Variants in FHIT observed in about 807,000 individuals in gnomAD.
The protein encoded by FHIT is bis(5'-adenosyl)-triphosphatase.
FHIT carries 19 observed loss-of-function variants against 17.9 expected under a neutral mutation model. The ratio of observed to expected loss-of-function variants is 1.06; its 90% CI spans 0.74 to 1.56. The LOEUF is 1.56. FHIT is among the 40% of genes most tolerant of loss of function. The pLI is 0.00. For synonymous variants in FHIT, 81 were observed against 69.7 expected (o/e 1.16, Z -0.81); for missense variants, 248 against 189.2 (o/e 1.31, Z -1.82).
intron 5 of FHIT, among the ~76,000 whole-genome samples, chr3:60,402,722 T>G (rs1171941533): frequency 6.6e-6 from 1 of 152,212 alleles, no homozygotes; most frequent in Non-Finnish European, 1.5e-5. Flanking sequence ...TCTGGACTAT[T>G]TTGGACTAAA....
chr3:60,338,268 GTGTATGAT>G (rs1293407235), intron 5 of FHIT, among the ~76,000 whole-genome samples: 3 of 152,166 alleles, frequency 2.0e-5, no homozygotes, highest in Middle Eastern at 3.2e-3. Context: ...TGCTATAACA[GTGTATGAT>G]AAAGCATATA....
intron 5 of FHIT, among the ~76,000 whole-genome samples, chr3:60,398,224 T>C (rs1701527699): frequency 6.6e-6 from 1 of 152,156 alleles, no homozygotes; most frequent in Admixed American, 6.5e-5. Flanking sequence ...CCTGTAGCTA[T>C]GAGGAATGGG....
intron 7 of FHIT, among the ~76,000 whole-genome samples, chr3:59,957,101 G>C (rs1456158291): frequency 6.6e-6 from 1 of 152,214 alleles, no homozygotes; most frequent in Non-Finnish European, 1.5e-5. Flanking sequence ...GCTGAGTTCT[G>C]TGACCCTGTG....
intron 8 of FHIT, among the ~76,000 whole-genome samples, chr3:59,837,509 T>C (rs1032113955): frequency 2.6e-5 from 4 of 151,694 alleles, no homozygotes; most frequent in African/African-American, 7.3e-5. Context: ...CCTCCATTGA[T>C]TGAACCCATG....
intron 4 of FHIT, among the ~76,000 whole-genome samples, chr3:60,813,601 T>G (rs1553736693): frequency 6.6e-6 from 1 of 152,184 alleles, no homozygotes; most frequent in African/African-American, 2.4e-5. Flanking sequence ...TATACTGAGA[T>G]CTCTATACTC....
rs544423710 is a variant in FHIT, at chr3:60,135,488, T to C, written c.104-121336A>G. Reference sequence around the variant, plus strand: ...TGGGGTTTTAATCACAAAACTTTACTTGAACAGCTGCAACCTCTAGCCTCT... The same window carrying C: ...TGGGGTTTTAATCACAAAACTTTACCTGAACAGCTGCAACCTCTAGCCTCT... On this transcript the variant is annotated intron_variant, in intron 5 of 9. Coordinates refer to ENST00000492590, the MANE Select transcript of FHIT (RefSeq NM_002012.4). 1.7e-4 allele frequency among the ~76,000 whole-genome samples: 26 copies of C among 152,284 alleles called. No homozygotes were observed. In the South Asian group the frequency reaches 3.5e-3, roughly 21 times the overall value.
chr3:60,172,233 G>C (rs1701452763), intron 5 of FHIT, among the ~76,000 whole-genome samples: 1 of 151,990 alleles, frequency 6.6e-6, no homozygotes, highest in African/African-American at 2.4e-5. Context: ...GTAGTAAATA[G>C]GCCTAGAAGA....
chr3:60,497,506 A>G (rs1450442325), intron 5 of FHIT, among the ~76,000 whole-genome samples: 1 of 152,206 alleles, frequency 6.6e-6, no homozygotes, highest in East Asian at 1.9e-4. Flanking sequence ...TTATTAGCCT[A>G]TTTCTATAAA....
At position 59,749,404 on chromosome 3, in the gene FHIT, A is replaced by G. The variant is rs1266011360; in HGVS notation, c.*181T>C. On this transcript the variant is annotated 3_prime_UTR_variant, in exon 10 of 10. Transcript: ENST00000492590. ...CTGTCTGAGCCGTTTAGGTCTAGGT[A>G]TTTTAAGGGAGTTGGAGTGACCGAG... 4.3e-6 allele frequency: 1 copy of G among 230,994 alleles called. No individual in the cohort carries two copies. Among genetic ancestry groups the G allele is most frequent in the Non-Finnish European group, 8.6e-6 (1 of 116,850 alleles). 14.3% of individuals were successfully genotyped at this position (230,994 alleles called of 1,614,324 possible).
At chr3:60,969,807 T>C in intron 3 of FHIT, among the ~76,000 whole-genome samples, 1 of 152,208 alleles carries the variant, frequency 6.6e-6, no homozygotes, top group East Asian at 1.9e-4. Flanking sequence ...CAGTGTTCTA[T>C]ACATAAGATT....
intron 4 of FHIT, among the ~76,000 whole-genome samples, chr3:60,716,552 A>G (rs1025285884): frequency 2.0e-5 from 3 of 152,142 alleles, no homozygotes; most frequent in Admixed American, 6.5e-5. Context: ...CTTACCTCCA[A>G]TGAAAACAAT....
At position 60,210,890 on chromosome 3, in the gene FHIT, A is replaced by C. The variant is rs190759464; in HGVS notation, c.104-196738T>G. ...TATTTATCCTTTGACACAGAATTGC[A>C]CTTCTGGGAGTCTATCCAAAAGACA... On this transcript the variant is annotated intron_variant, in intron 5 of 9. Transcript: ENST00000492590. Among the ~76,000 whole-genome samples, 160 of 152,230 alleles carry C rather than the reference A, an allele frequency of 1.1e-3. 1 individual carries two copies. Among genetic ancestry groups the C allele is most frequent in the Non-Finnish European group, 1.4e-3 (98 of 67,986 alleles).
intron 5 of FHIT, among the ~76,000 whole-genome samples, chr3:60,397,602 C>T (rs1701498401): frequency 6.6e-6 from 1 of 152,182 alleles, no homozygotes; most frequent in African/African-American, 2.4e-5. Flanking sequence ...CAACAAGAGA[C>T]CTCAGTGGCC....
At chr3:60,569,744 TATATATATA>T (rs1246206815) in intron 4 of FHIT, among the ~76,000 whole-genome samples, 14 of 76,208 alleles carry the variant, frequency 1.8e-4, no homozygotes, top group Non-Finnish European at 1.9e-4. Flanking sequence ...TATATATATA[TATATATATA>T]TATTTTTTTT....
chr3:59,970,855 T>C (rs1033422719), intron 7 of FHIT, among the ~76,000 whole-genome samples: 1 of 151,488 alleles, frequency 6.6e-6, no homozygotes, highest in Non-Finnish European at 1.5e-5. Context: ...TTTTTTTCAT[T>C]TCTAAAATTT....
rs192754848 is a variant in FHIT, at chr3:60,011,392, G to A, written c.258C>T (p.Pro86=). The A allele has an allele frequency of 3.3e-5, 54 of 1,613,282 alleles. No individual in the cohort carries two copies. The highest frequency in any genetic ancestry group is 9.3e-5 in the African/African-American group (7 of 74,954). The part of the protein sequence containing the change: ...TSLTFSMQDG[P]EAGQTVKHVH... ...TCACCTTCACAGTCTGTCCGGCTTC[G>A]GGGCCATCCTAGAAGTAGGAAAAAA... The change falls in exon 7 of 10, where the codon CCC becomes CCT. Residue 86 remains proline, a synonymous_variant. Coordinates refer to ENST00000492590, the MANE Select transcript of FHIT (RefSeq NM_002012.4).
At chr3:60,926,701 C>G (rs1170302874) in intron 3 of FHIT, among the ~76,000 whole-genome samples, 5 of 152,162 alleles carry the variant, frequency 3.3e-5, no homozygotes, top group African/African-American at 9.7e-5. Flanking sequence ...CAATAACTAA[C>G]ATCAGAGCAG....
At chr3:60,991,583 C>A (rs1338806056) in intron 3 of FHIT, among the ~76,000 whole-genome samples, 1 of 152,142 alleles carries the variant, frequency 6.6e-6, no homozygotes, top group Non-Finnish European at 1.5e-5. Context: ...TGATTAAGAA[C>A]ATAGTGCTAG....
chr3:60,745,476 A>T (rs1200385079), intron 4 of FHIT, among the ~76,000 whole-genome samples: 2 of 152,194 alleles, frequency 1.3e-5, no homozygotes, highest in African/African-American at 4.8e-5. Context: ...CCAGCAACAT[A>T]AAGCTATTTA....
Sources: gnomAD v4.1 joint callset for allele counts (sites outside exome capture counted in the v4.1 genomes callset) on GRCh38, gnomAD v4.1.1 for gene constraint, MANE v1.5 for transcripts, NCBI Gene and HGNC (gene_info 2026-07-23, HGNC 2026-07-21) for gene names.